The following GABRE variants were observed in gnomAD, a reference collection of about 807,000 sequenced individuals.
GABRE encodes gamma-aminobutyric acid type A receptor subunit epsilon, also known as gamma-aminobutyric acid receptor subunit epsilon.
In GABRE, 20 loss-of-function variants were observed where a neutral mutation model predicts 31.0. The observed-to-expected ratio is 0.64, with a 90% CI of 0.45 to 0.94. The LOEUF is 0.94. Ranked by LOEUF, GABRE falls within the 40% of genes least tolerant of loss-of-function variation. The pLI is 0.00. For missense variants in GABRE, 420 were observed against 410.7 expected, an observed-to-expected ratio of 1.02 and a Z score of -0.20; for synonymous variants, 155 against 150.6, an observed-to-expected ratio of 1.03 and a Z score of -0.21.
chrX:151,965,560 T>A (rs1255425628), intron 3 of GABRE, among the ~76,000 whole-genome samples: 5 of 112,273 alleles, frequency 4.5e-5, no homozygotes, highest in African/African-American at 6.5e-5. Context: ...CTATCCAAAG[T>A]CACACAAATA....
chrX:151,965,092 C>T lies in GABRE; in HGVS notation c.343-2449G>A, dbSNP rs1470134938. Among the ~76,000 whole-genome samples the T allele has an allele frequency of 5.4e-5, 6 of 111,247 alleles. No individual in the cohort carries two copies. The South Asian group carries it at 1.5e-3, about 28-fold the overall frequency. On this transcript the variant is annotated intron_variant, in intron 3 of 8. Coordinates refer to ENST00000370328, the MANE Select transcript of GABRE (RefSeq NM_004961.4). ...CTCGAACACGGGAGGCGGAGGTTGA[C>T]GTGAGCAAAGATCGTGCCACTCCAC...
intron 1 of GABRE, among the ~76,000 whole-genome samples, chrX:151,973,060 T>G (rs2266856): frequency 4.6e-5 from 5 of 109,070 alleles, no homozygotes; most frequent in Non-Finnish European, 9.5e-5. Flanking sequence ...AGATCTTTTT[T>G]TTCATTCTAC....
chrX:151,974,218 C>T (rs1175009062), intron 1 of GABRE, among the ~76,000 whole-genome samples: 1 of 112,068 alleles, frequency 8.9e-6, no homozygotes, highest in Non-Finnish European at 1.9e-5. Context: ...CCGGTCACCC[C>T]GGGGCCGCTC....
chrX:151,955,617 T>C, intron 7 of GABRE, 50 bp from the exon 8 acceptor site: 2 of 1,200,140 alleles, frequency 1.7e-6, no homozygotes, highest in Non-Finnish European at 1.1e-6. Context: ...ATGTGCGACA[T>C]TGGTTAAAAG....
intron 5 of GABRE, among the ~76,000 whole-genome samples, chrX:151,960,727 G>A (rs1934340432): frequency 8.9e-6 from 1 of 111,743 alleles, no homozygotes; most frequent in Non-Finnish European, 1.9e-5. Context: ...TTAAATTAAT[G>A]CAGGTGGAAG....
At position 151,973,792 on chromosome X, in the gene GABRE, A is replaced by G. The variant is rs916401106; in HGVS notation, c.56+778T>C. Among the ~76,000 whole-genome samples the G allele has an allele frequency of 2.4e-4, 27 of 111,856 alleles. 1 individual carries two copies. The highest frequency in any genetic ancestry group is 8.1e-4 in the African/African-American group (25 of 30,728). On this transcript the variant is annotated intron_variant, in intron 1 of 8. Transcript: ENST00000370328. ...GATGGTTGTTCAAGGGAAACCTGAAAGGGGAGAAGGGGATTGAAATCTACG... is the reference window on the plus strand; with the variant it reads ...GATGGTTGTTCAAGGGAAACCTGAAGGGGGAGAAGGGGATTGAAATCTACG...
chrX:151,968,371 T>C (rs1204533296), intron 3 of GABRE, among the ~76,000 whole-genome samples: 3 of 112,580 alleles, frequency 2.7e-5, no homozygotes, highest in Non-Finnish European at 5.6e-5. Context: ...TAAGACACTA[T>C]GTTTTGGGGA....
At chrX:151,969,582 G>A in intron 3 of GABRE, 87 bp downstream of exon 3, 1 of 912,979 alleles carries the variant, frequency 1.1e-6, no homozygotes, top group Non-Finnish European at 1.5e-6. Flanking sequence ...TGTTACAGAA[G>A]TACAGAGCAG....
At chrX:151,960,024 C>T (rs1183914517) in intron 5 of GABRE, 48 bp from the exon 6 acceptor site, 1 of 1,130,158 alleles carries the variant, frequency 8.8e-7, no homozygotes, top group Non-Finnish European at 1.2e-6. Flanking sequence ...TGGAAGCCCA[C>T]CTGAGGTCTC....
intron 3 of GABRE, among the ~76,000 whole-genome samples, chrX:151,966,926 T>A (rs1311005685): frequency 2.7e-5 from 3 of 112,122 alleles, no homozygotes; most frequent in Non-Finnish European, 5.6e-5. Flanking sequence ...GTGAGGCCAC[T>A]GCTGGCAGCA....
chrX:151,954,090 C>G lies in GABRE; in HGVS notation c.*611G>C, dbSNP rs917489015. Reference sequence around the variant, plus strand: ...AAATAGGCTCTCTTGCTGCCCCCCCCTCTTCCTAAAGGGATAATGCCAGTG... The same window carrying G: ...AAATAGGCTCTCTTGCTGCCCCCCCGTCTTCCTAAAGGGATAATGCCAGTG... On this transcript the variant is annotated 3_prime_UTR_variant, in exon 9 of 9. Transcript: ENST00000370328. The G allele has an allele frequency of 4.3e-4, 48 of 111,765 alleles. No homozygotes were observed. The highest frequency in any genetic ancestry group is 1.4e-3 in the African/African-American group (44 of 30,790). 9.2% of individuals were successfully genotyped at this position (111,765 alleles called of 1,213,427 possible).
At chrX:151,972,104 A>G in intron 1 of GABRE, 1 of 753,011 alleles carries the variant, frequency 1.3e-6, no homozygotes, top group South Asian at 6.8e-5. Flanking sequence ...AGGGCAAGAG[A>G]CGTTGGCATG....
At position 151,959,925 on chromosome X, in the gene GABRE, T is replaced by A. The variant is rs370193189; in HGVS notation, c.698A>T (p.Glu233Val). 4.1e-6 allele frequency: 5 copies of A among 1,208,033 alleles called. No homozygotes were observed. Among genetic ancestry groups the A allele is most frequent in the Non-Finnish European group, 4.5e-6 (4 of 893,465 alleles). Residue 233 changes from glutamate (E) to valine (V), a missense_variant, in exon 6 of 9, where the codon GAA (glutamate) becomes GTA (valine). Coordinates refer to ENST00000370328, the MANE Select transcript of GABRE (RefSeq NM_004961.4). Reference protein sequence around the residue: ...MIYKWENFKLEINEKNSWKLF... With the variant: ...MIYKWENFKLVINEKNSWKLF... The stretch of plus-strand genomic sequence containing the variant: ...CTTCCAGGAGTTCTTCTCATTGATT[T>A]CAAGCTTGAAATTTTCCCACTTGTA...
chrX:151,959,628 G>A (rs778248330), intron 6 of GABRE: 15 of 524,595 alleles, frequency 2.9e-5, no homozygotes, highest in Admixed American at 2.1e-4. Context: ...AAGGAGCTTG[G>A]CAAAGCACTT....
chrX:151,967,878 T>G (rs1230333586), intron 3 of GABRE, among the ~76,000 whole-genome samples: 3 of 112,515 alleles, frequency 2.7e-5, no homozygotes, highest in Non-Finnish European at 5.6e-5. Context: ...TGAGATGTCC[T>G]CCAGTGCTCT....
chrX:151,955,301 C>CAAGG (rs1934119763), intron 8 of GABRE, 67 bp downstream of exon 8: 20 of 1,209,063 alleles, frequency 1.7e-5, no homozygotes, highest in Admixed American at 4.4e-5. Context: ...TGCCATAACC[C>CAAGG]CAGTACCCTT....
At chrX:151,967,392 T>C (rs1212344520) in intron 3 of GABRE, among the ~76,000 whole-genome samples, 5 of 111,765 alleles carry the variant, frequency 4.5e-5, no homozygotes, top group African/African-American at 1.6e-4. Context: ...ATTTGGCTTT[T>C]GGCATGCTGA....
At chrX:151,972,737 T>G (rs1569456083) in intron 1 of GABRE, 3 of 639,724 alleles carry the variant, frequency 4.7e-6, no homozygotes, top group South Asian at 1.6e-4. Flanking sequence ...AACACAACAA[T>G]AAACAAACAA....
rs1250562543 is a variant in GABRE, at chrX:151,970,333, G to A, written c.126C>T (p.Pro42=). The A allele has an allele frequency of 1.7e-6, 2 of 1,211,605 alleles. No homozygotes were observed. The highest frequency in any genetic ancestry group is 4.3e-5 in the Admixed American group (2 of 46,074). Residue 42 remains proline, a synonymous_variant, in exon 2 of 9, where the codon CCC becomes CCT. Coordinates refer to ENST00000370328, the MANE Select transcript of GABRE (RefSeq NM_004961.4). ...AGAGGAGCTGATTTTCCAGAGGCTG[G>A]GGCTGGGGGCCATAGACAACATCAC... is the stretch of plus-strand genomic sequence containing the variant. The part of the protein sequence containing the change: ...SSRDVVYGPQ[P]QPLENQLLSE...
Sources: gnomAD v4.1 joint callset for allele counts (sites outside exome capture counted in the v4.1 genomes callset) on GRCh38, gnomAD v4.1.1 for gene constraint, MANE v1.5 for transcripts, NCBI Gene and HGNC (gene_info 2026-07-23, HGNC 2026-07-21) for gene names.